The following AGPS variants were observed in gnomAD, a reference collection of about 807,000 sequenced individuals.
AGPS encodes alkylglycerone phosphate synthase.
Under a neutral mutation model 90.7 loss-of-function variants are expected in AGPS, and 26 were observed. The ratio of observed to expected loss-of-function variants is 0.29; its 90% CI spans 0.21 to 0.40. The LOEUF is 0.40. AGPS is among the 10% of genes least tolerant of loss of function. The pLI, the probability that AGPS is intolerant of heterozygous loss-of-function variation, is 1.00. For synonymous variants in AGPS, 294 were observed against 285.3 expected (o/e 1.03, Z -0.31); for missense variants, 540 against 816.1 (o/e 0.66, Z 4.12).
intron 2 of AGPS, 116 bp from the exon 3 acceptor site, chr2:177,434,211 C>A (rs1465637310): frequency 1.4e-6 from 1 of 718,064 alleles, no homozygotes; most frequent in Non-Finnish European, 2.4e-6. Flanking sequence ...TTTATAGTTA[C>A]ATGTGAAAGT....
At chr2:177,472,281 G>A (rs1444773381) in intron 10 of AGPS, among the ~76,000 whole-genome samples, 1 of 147,050 alleles carries the variant, frequency 6.8e-6, no homozygotes, top group African/African-American at 2.5e-5. Context: ...TTTTTTCAAT[G>A]CCCTGTATTA....
chr2:177,475,038 T>C (rs1479117462), intron 10 of AGPS, among the ~76,000 whole-genome samples: 2 of 152,218 alleles, frequency 1.3e-5, no homozygotes, highest in Admixed American at 6.5e-5. Context: ...GTTTTGAGTT[T>C]GATCAAGTGG....
chr2:177,444,511 G>A (rs116720202), intron 7 of AGPS, among the ~76,000 whole-genome samples: 1 of 151,468 alleles, frequency 6.6e-6, no homozygotes, highest in African/African-American at 2.4e-5. Context: ...AAAACTAAAA[G>A]TGCATTCACA....
chr2:177,392,882 G>A lies in AGPS; in HGVS notation c.93G>A (p.Pro31=). The A allele has an allele frequency of 6.4e-7, 1 of 1,550,812 alleles. No individual in the cohort carries two copies. The highest frequency in any genetic ancestry group is 1.2e-5 in the South Asian group (1 of 84,226). Residue 31 remains proline, a synonymous_variant, in exon 1 of 20, where the codon CCG becomes CCA. Transcript: ENST00000264167. The stretch of plus-strand genomic sequence containing the variant: ...CGGACCGGGACCGGGACCCGGACCC[G>A]GACCGCGCCGGGCGGAGGCTGCGGG... ...SAADRDRDPD[P]DRAGRRLRVL... is the part of the protein sequence containing the mutation.
chr2:177,420,575 A>G (rs1313261138), intron 2 of AGPS, among the ~76,000 whole-genome samples: 1 of 151,650 alleles, frequency 6.6e-6, no homozygotes, highest in Non-Finnish European at 1.5e-5. Context: ...TATATATTAT[A>G]TGTCTTAAAA....
intron 8 of AGPS, among the ~76,000 whole-genome samples, chr2:177,455,733 A>T (rs762243873): frequency 2.0e-5 from 3 of 151,132 alleles, no homozygotes; most frequent in Non-Finnish European, 2.9e-5. Flanking sequence ...ATTCTGTATA[A>T]TTTAATTATG....
At chr2:177,404,342 G>A (rs888601593) in intron 1 of AGPS, among the ~76,000 whole-genome samples, 10 of 152,048 alleles carry the variant, frequency 6.6e-5, no homozygotes, top group Non-Finnish European at 4.4e-5. Context: ...ACCACTTATT[G>A]CTATCAGTAA....
intron 11 of AGPS, among the ~76,000 whole-genome samples, chr2:177,492,722 C>A (rs1459470717): frequency 6.6e-6 from 1 of 151,972 alleles, no homozygotes; most frequent in Non-Finnish European, 1.5e-5. Context: ...CATCTTCTAC[C>A]TTTACTGTGG....
intron 9 of AGPS, 74 bp from the exon 10 acceptor site, chr2:177,468,342 A>G (rs1010952423): frequency 3.8e-5 from 32 of 842,310 alleles, no homozygotes; most frequent in Non-Finnish European, 5.7e-5. Context: ...ACATAAATAT[A>G]TATAAATGTC....
intron 5 of AGPS, 80 bp downstream of exon 5, chr2:177,437,134 T>C: frequency 7.5e-7 from 1 of 1,338,014 alleles, no homozygotes; most frequent in Non-Finnish European, 1.1e-6. Flanking sequence ...ACGTACTTTT[T>C]GGCATATGAG....
intron 11 of AGPS, among the ~76,000 whole-genome samples, chr2:177,489,749 T>C (rs1056050400): frequency 2.6e-5 from 4 of 152,236 alleles, no homozygotes; most frequent in African/African-American, 9.6e-5. Context: ...ACATTTATCG[T>C]AGCAGGAAAG....
intron 11 of AGPS, among the ~76,000 whole-genome samples, chr2:177,487,470 TTTTG>T (rs1476079617): frequency 1.1e-4 from 17 of 152,160 alleles, no homozygotes; most frequent in Non-Finnish European, 2.1e-4. Context: ...GTTTGGGGTT[TTTTG>T]TTTGTTTGTT....
At chr2:177,505,621 C>CTGTT (rs778174407) in intron 15 of AGPS, 46 bp downstream of exon 15, 2 of 1,526,810 alleles carry the variant, frequency 1.3e-6, no homozygotes, top group Non-Finnish European at 9.1e-7. Context: ...ATGTTGCAAA[C>CTGTT]AATACTTTTT....
At chr2:177,462,862 G>C (rs918755423) in intron 9 of AGPS, among the ~76,000 whole-genome samples, 6 of 152,066 alleles carry the variant, frequency 3.9e-5, no homozygotes, top group African/African-American at 1.4e-4. Context: ...TGGTATCCTC[G>C]AAGGTCCTAG....
chr2:177,510,469 G>A (rs1427406795), intron 16 of AGPS, among the ~76,000 whole-genome samples: 1 of 152,134 alleles, frequency 6.6e-6, no homozygotes, highest in Non-Finnish European at 1.5e-5. Context: ...CGGGACAGTG[G>A]ATTAGTGCAA....
intron 1 of AGPS, among the ~76,000 whole-genome samples, chr2:177,401,874 C>G (rs1206676346): frequency 2.0e-5 from 3 of 152,208 alleles, no homozygotes; most frequent in African/African-American, 7.2e-5. Context: ...CATCTCAATT[C>G]TAGAGCTTTT....
intron 2 of AGPS, 137 bp from the exon 3 acceptor site, chr2:177,434,190 T>G: frequency 1.5e-6 from 1 of 664,014 alleles, no homozygotes; most frequent in Non-Finnish European, 2.6e-6. Flanking sequence ...TTGTTTTGTT[T>G]TCGTTCAGAG....
Position 177,518,360 on chromosome 2 carries a change from C to T in AGPS, c.1698-2909C>T, listed in dbSNP as rs370281303. 8.6e-5 allele frequency among the ~76,000 whole-genome samples: 13 copies of T among 151,926 alleles called. No homozygotes were observed. In the East Asian group the frequency reaches 1.7e-3, roughly 20 times the overall value. On this transcript the variant is annotated intron_variant, in intron 17 of 19. Transcript: ENST00000264167. Reference sequence around the variant, plus strand: ...CTGAGGTAGGAGAATCGCTTGAACCCGGGAGATGGAGGTTGCAGTGAGCCA... The same window carrying T: ...CTGAGGTAGGAGAATCGCTTGAACCTGGGAGATGGAGGTTGCAGTGAGCCA...
At position 177,540,328 on chromosome 2, in the gene AGPS, A is replaced by G. The variant is rs2079223533; in HGVS notation, c.*2133A>G. Reference sequence around the variant, plus strand: ...TGTCTTTGTTTTTCTTTTTCCAAGTATATGCAGGACTCCCCAACCTTGATT... The same window carrying G: ...TGTCTTTGTTTTTCTTTTTCCAAGTGTATGCAGGACTCCCCAACCTTGATT... On this transcript the variant is annotated 3_prime_UTR_variant, in exon 20 of 20. Transcript: ENST00000264167. 6.6e-6 allele frequency: 1 copy of G among 152,000 alleles called. No individual in the cohort carries two copies. Among genetic ancestry groups the G allele is most frequent in the East Asian group, 1.9e-4 (1 of 5,192 alleles). 9.4% of individuals were successfully genotyped at this position (152,000 alleles called of 1,614,324 possible). A position where few individuals can be genotyped will look rare whatever the true frequency, so the allele number is the denominator to read the frequency against.
Sources: gnomAD v4.1 joint callset for allele counts (sites outside exome capture counted in the v4.1 genomes callset) on GRCh38, gnomAD v4.1.1 for gene constraint, MANE v1.5 for transcripts, NCBI Gene and HGNC (gene_info 2026-07-23, HGNC 2026-07-21) for gene names.